RAP1GAP2: variants seen among roughly 807,000 people sequenced by gnomAD.
RAP1GAP2 encodes rap1 GTPase-activating protein 2.
A neutral mutation model predicts 95.0 loss-of-function variants in RAP1GAP2; 27 were observed. The observed-to-expected ratio is 0.28, with a 90% CI of 0.21 to 0.39. The LOEUF (loss-of-function observed/expected upper bound fraction) is 0.39, where lower values mean the gene tolerates loss of function less well. RAP1GAP2 is among the 10% of genes least tolerant of loss of function. The probability of loss-of-function intolerance (pLI) is 1.00; values close to 1 mark genes in which losing one functional copy is unlikely to be tolerated. For synonymous variants in RAP1GAP2, 373 were observed against 380.9 expected (o/e 0.98, Z 0.24); for missense variants, 771 against 970.0 (o/e 0.79, Z 2.72).
intron 2 of RAP1GAP2, among the ~76,000 whole-genome samples, chr17:2,847,048 G>C (rs1340771822): frequency 6.6e-6 from 1 of 152,016 alleles, no homozygotes; most frequent in African/African-American, 2.4e-5. Flanking sequence ...TTGCTCTGTC[G>C]CCCAGGTTGG....
chr17:2,942,920 AC>A (rs1243063411), intron 3 of RAP1GAP2, among the ~76,000 whole-genome samples: 1 of 151,788 alleles, frequency 6.6e-6, no homozygotes, highest in Non-Finnish European at 1.5e-5. Context: ...GGCACTCACC[AC>A]CCACGCCTAG....
In RAP1GAP2 at chr17:3,035,983, TC is replaced by T. The variant is rs1461919286; in HGVS notation, c.*2624del. On this transcript the variant is annotated 3_prime_UTR_variant, in exon 25 of 25. Transcript: ENST00000254695. This position sits in a 1 kb window ranked among gnomAD's most constrained non-coding sequence, Gnocchi z 4.3. ...CTGTGATCTCCACGAGGGGATGTTT[TC>T]CGGGACACATCTCTGGCTCTGGGAA... 2.0e-5 allele frequency: 3 copies of T among 152,258 alleles called. No individual in the cohort carries two copies. The highest frequency in any genetic ancestry group is 7.2e-5 in the African/African-American group (3 of 41,454). The allele number at this position is 152,258 out of a possible 1,614,324, so 9.4% of individuals were successfully genotyped here. A position where few individuals can be genotyped will look rare whatever the true frequency, so the allele number is the denominator to read the frequency against.
rs1475140075 is a variant in RAP1GAP2 at position 2,919,318 on chromosome 17, A to G, written c.165+13950A>G. On this transcript the variant is annotated intron_variant, in intron 3 of 24. Coordinates refer to ENST00000254695, the MANE Select transcript of RAP1GAP2 (RefSeq NM_015085.5). ...GAATCTGACCCAAACAGGGGTCTCC[A>G]GGGTGGCAGAAAGAACCTGCAGGGT... is the stretch of plus-strand genomic sequence containing the variant. 3.9e-5 allele frequency among the ~76,000 whole-genome samples: 6 copies of G among 152,208 alleles called. 1 individual carries two copies. The highest frequency in any genetic ancestry group is 3.9e-4 in the Admixed American group (6 of 15,274).
chr17:2,979,351 C>T (rs771801100), intron 8 of RAP1GAP2, among the ~76,000 whole-genome samples: 1 of 152,072 alleles, frequency 6.6e-6, no homozygotes, highest in Non-Finnish European at 1.5e-5. Context: ...AGAAGCTGTG[C>T]TCAGTTCTTT....
intron 2 of RAP1GAP2, among the ~76,000 whole-genome samples, chr17:2,893,159 C>G (rs1291878188): frequency 2.0e-5 from 3 of 152,100 alleles, no homozygotes; most frequent in Admixed American, 6.6e-5. Flanking sequence ...TCCCAACTAG[C>G]TGGGATTACA....
chr17:2,927,201 T>C (rs1479746056), intron 3 of RAP1GAP2, among the ~76,000 whole-genome samples: 2 of 150,012 alleles, frequency 1.3e-5, no homozygotes, highest in Non-Finnish European at 1.5e-5. Context: ...TCACCCAGGC[T>C]GGAGTGCAGT....
At chr17:2,898,555 C>T (rs942153411) in intron 2 of RAP1GAP2, among the ~76,000 whole-genome samples, 1 of 152,204 alleles carries the variant, frequency 6.6e-6, no homozygotes, top group Non-Finnish European at 1.5e-5. Context: ...TGTGCATATA[C>T]CCGGGGCCTG....
intron 2 of RAP1GAP2, among the ~76,000 whole-genome samples, chr17:2,839,160 G>A (rs2071267859): frequency 6.6e-6 from 1 of 151,944 alleles, no homozygotes; most frequent in African/African-American, 2.4e-5. Flanking sequence ...AAAATTAGCA[G>A]GACATGGTGG....
intron 2 of RAP1GAP2, among the ~76,000 whole-genome samples, chr17:2,865,698 G>C (rs776769410): frequency 2.0e-5 from 3 of 152,206 alleles, no homozygotes; most frequent in Non-Finnish European, 4.4e-5. Context: ...AATGCCCCTT[G>C]TGGATGGCCA....
intron 2 of RAP1GAP2, among the ~76,000 whole-genome samples, chr17:2,886,135 ATG>A (rs140784056): frequency 0.089 from 11,560 of 130,178 alleles, 938 homozygotes; most frequent in Admixed American, 0.18. Flanking sequence ...ATATGTATTT[ATG>A]TGTGTGTGTG....
At chr17:2,782,387 A>T (rs938544196) in intron 1 of RAP1GAP2, among the ~76,000 whole-genome samples, 1 of 152,120 alleles carries the variant, frequency 6.6e-6, no homozygotes, top group Non-Finnish European at 1.5e-5. Flanking sequence ...GTGTGTCAGC[A>T]TGCTGTAGGG....
intron 2 of RAP1GAP2, among the ~76,000 whole-genome samples, chr17:2,813,429 C>T (rs114984155): frequency 1.9e-4 from 29 of 152,308 alleles, no homozygotes; most frequent in African/African-American, 6.7e-4. Context: ...CTGGGAAGCA[C>T]TTCCCCAAGG....
intron 8 of RAP1GAP2, among the ~76,000 whole-genome samples, chr17:2,970,903 C>T (rs180816732): frequency 6.6e-6 from 1 of 152,110 alleles, no homozygotes; most frequent in Admixed American, 6.5e-5. Flanking sequence ...GGTGAAGTGG[C>T]ACACACCTGT....
At chr17:2,770,781 C>T (rs1293946516) in intron 2 of RAP1GAP2, among the ~76,000 whole-genome samples, 2 of 152,204 alleles carry the variant, frequency 1.3e-5, no homozygotes, top group African/African-American at 4.8e-5. Flanking sequence ...TGGCTCATGC[C>T]TGTAATCCCA....
chr17:2,842,612 T>C (rs74455701), intron 2 of RAP1GAP2, among the ~76,000 whole-genome samples: 22,797 of 148,774 alleles, frequency 0.15, 1,911 homozygotes, highest in Middle Eastern at 0.2. Flanking sequence ...AGCCCTCCCC[T>C]CCCTAGAGTT....
chr17:2,773,843 C>T (rs563041246), upstream of RAP1GAP2, among the ~76,000 whole-genome samples: 17 of 151,982 alleles, frequency 1.1e-4, no homozygotes, highest in African/African-American at 3.4e-4. Flanking sequence ...CTGCAACCTC[C>T]GCCTCCCGGG....
At chr17:2,957,362 C>T (rs1045243116) in intron 3 of RAP1GAP2, among the ~76,000 whole-genome samples, 9 of 152,154 alleles carry the variant, frequency 5.9e-5, no homozygotes, top group African/African-American at 1.7e-4. Flanking sequence ...TGTGGAACGC[C>T]GCTTGTGTTG....
upstream of RAP1GAP2, among the ~76,000 whole-genome samples, chr17:2,775,386 G>A (rs1386120551): frequency 6.6e-6 from 1 of 152,058 alleles, no homozygotes. Flanking sequence ...TCTGGAAGAG[G>A]TGGAAGTCCT....
chr17:2,980,439 G>GTA, intron 9 of RAP1GAP2, 74 bp downstream of exon 9: 1 of 1,450,384 alleles, frequency 6.9e-7, no homozygotes, highest in South Asian at 1.1e-5. Context: ...GGGGGTGCAG[G>GTA]TATATCCTGG....
Sources: allele counts gnomAD v4.1 joint callset (sites outside exome capture counted in the v4.1 genomes callset), GRCh38; gene constraint gnomAD v4.1.1; non-coding constraint Gnocchi (gnomAD v3.1); transcripts MANE v1.5; gene names NCBI Gene and HGNC (gene_info 2026-07-23, HGNC 2026-07-21).